RFX4: variants seen among roughly 807,000 people sequenced by gnomAD.
RFX4 encodes the protein transcription factor RFX4.
In RFX4, 10 loss-of-function variants were observed where a neutral mutation model predicts 95.0. The ratio of observed to expected loss-of-function variants is 0.11; its 90% CI spans 0.06 to 0.18. The LOEUF (loss-of-function observed/expected upper bound fraction) is 0.18, where lower values mean the gene tolerates loss of function less well. Among genes scored for constraint, RFX4 ranks in the 10% least tolerant of loss-of-function variants. The pLI is 1.00. For synonymous variants in RFX4, 321 were observed against 340.7 expected, an observed-to-expected ratio of 0.94 and a Z score of 0.64; for missense variants, 640 against 922.0, an observed-to-expected ratio of 0.69 and a Z score of 3.96.
chr12:106,750,661 G>A lies in RFX4; in HGVS notation c.1803G>A (p.Thr601=), dbSNP rs141950761. ...VYPHREEHGY[T]GSYNYGSYGN... Reference sequence around the variant, plus strand: ...TGTGCTTGATGCATTTTAGATACACGGGAAGCTATAACTATGGGAGCTATG... The same window carrying A: ...TGTGCTTGATGCATTTTAGATACACAGGAAGCTATAACTATGGGAGCTATG... The change falls in exon 17 of 18, where the codon ACG becomes ACA. Residue 601 remains threonine (T), a synonymous_variant. Transcript: ENST00000392842. The A allele has an allele frequency of 1.4e-4, 228 of 1,603,410 alleles. No individual in the cohort carries two copies. In the African/African-American group the frequency reaches 2.5e-3, roughly 18 times the overall value.
At chr12:106,739,555 G>A (rs966650189) in intron 15 of RFX4, among the ~76,000 whole-genome samples, 2 of 152,112 alleles carry the variant, frequency 1.3e-5, no homozygotes, top group South Asian at 2.1e-4. Context: ...CTGTAGCTAC[G>A]TCTAGTTCCA....
At chr12:106,597,800 T>C (rs967172341) in intron 1 of RFX4, among the ~76,000 whole-genome samples, 1 of 152,122 alleles carries the variant, frequency 6.6e-6, no homozygotes, top group African/African-American at 2.4e-5. Context: ...TTTGAGGCTG[T>C]GGTGAGCTAT....
chr12:106,583,301 G>T lies in RFX4; in HGVS notation c.-20G>T. 1 of 1,575,964 alleles carries T rather than the reference G, an allele frequency of 6.3e-7. No individual in the cohort carries two copies. On this transcript the variant is annotated 5_prime_UTR_variant, in exon 1 of 18. Transcript: ENST00000392842. ...ACATCAGGACTTTTGGGGGGCGCCTGTGCTGTCCATGGGAAGAGCATGCAT... is the reference window on the plus strand; with the variant it reads ...ACATCAGGACTTTTGGGGGGCGCCTTTGCTGTCCATGGGAAGAGCATGCAT...
At chr12:106,664,936 ATC>A (rs1212970387) in intron 4 of RFX4, among the ~76,000 whole-genome samples, 5 of 151,790 alleles carry the variant, frequency 3.3e-5, no homozygotes, top group Non-Finnish European at 5.9e-5. Flanking sequence ...CCAGAATGTG[ATC>A]TATCTTGATG....
At chr12:106,689,264 T>C (rs1316169275) in intron 6 of RFX4, 23 bp from the exon 7 acceptor site, 2 of 1,579,912 alleles carry the variant, frequency 1.3e-6, no homozygotes, top group Non-Finnish European at 1.7e-6. Context: ...TCTTTGTTGT[T>C]GATCCTCTAC....
At chr12:106,751,405 A>G (rs1360476926) in intron 17 of RFX4, among the ~76,000 whole-genome samples, 1 of 150,420 alleles carries the variant, frequency 6.6e-6, no homozygotes, top group African/African-American at 2.5e-5. Context: ...ATACGTGTGC[A>G]TGTGTCTTTA....
intron 7 of RFX4, among the ~76,000 whole-genome samples, chr12:106,694,984 C>G (rs1303678636): frequency 1.3e-5 from 2 of 152,096 alleles, no homozygotes; most frequent in Admixed American, 6.5e-5. Context: ...TTGCAGTGAG[C>G]CGAGACCACA....
chr12:106,747,992 CA>C (rs1261599352), intron 16 of RFX4, among the ~76,000 whole-genome samples: 3 of 151,566 alleles, frequency 2.0e-5, no homozygotes, highest in Admixed American at 1.3e-4. Context: ...GCTATTTTCT[CA>C]AAGAACAGGA....
At chr12:106,598,459 G>A (rs926451585) in intron 1 of RFX4, among the ~76,000 whole-genome samples, 2 of 152,034 alleles carry the variant, frequency 1.3e-5, no homozygotes, top group African/African-American at 2.4e-5. Flanking sequence ...TGAGACTTGC[G>A]ACCAACACAC....
intron 3 of RFX4, among the ~76,000 whole-genome samples, chr12:106,645,417 G>T (rs1053138535): frequency 6.6e-6 from 1 of 151,976 alleles, no homozygotes; most frequent in Non-Finnish European, 1.5e-5. Flanking sequence ...TTCTGGGTGG[G>T]GACGTTTTCC....
At chr12:106,620,474 A>G (rs2040161023) in intron 2 of RFX4, among the ~76,000 whole-genome samples, 1 of 152,170 alleles carries the variant, frequency 6.6e-6, no homozygotes, top group Non-Finnish European at 1.5e-5. Context: ...GAGAGTAGGT[A>G]CAAAGATCAC....
chr12:106,722,460 A>G (rs912264279), intron 13 of RFX4, among the ~76,000 whole-genome samples: 12 of 152,236 alleles, frequency 7.9e-5, no homozygotes, highest in African/African-American at 2.9e-4. Flanking sequence ...CAGTCAATGT[A>G]AAAAAGAAAG....
chr12:106,751,482 T>G (rs1195033059), intron 17 of RFX4, among the ~76,000 whole-genome samples: 2 of 151,666 alleles, frequency 1.3e-5, no homozygotes, highest in Non-Finnish European at 2.9e-5. Flanking sequence ...AAATGGTATC[T>G]CTAGTTCTAG....
In RFX4 at chr12:106,761,418, T is replaced by A. The variant is rs370326317; in HGVS notation, c.2157T>A (p.Phe719Leu). 1 of 1,614,004 alleles carries A rather than the reference T, an allele frequency of 6.2e-7. No homozygotes were observed. The highest frequency in any genetic ancestry group is 8.5e-7 in the Non-Finnish European group (1 of 1,180,014). The change falls in exon 18 of 18, where the codon TTT (phenylalanine) becomes TTA (leucine). Residue 719 changes from phenylalanine (F) to leucine (L), a missense_variant. Phe to Leu is a conservative substitution (Grantham distance 22, BLOSUM62 0). Around this residue, in one of 7 missense-constraint regions of RFX4, gnomAD observed 300 missense variants for 346.8 expected, o/e 0.87. Transcript: ENST00000392842. ...RNSEYEHMQH[F>L]PGFAYINGEA... ...CTGAATATGAGCACATGCAACACTT[T>A]CCTGGCTTTGCTTACATCAACGGAG... is the stretch of plus-strand genomic sequence containing the variant.
rs2043210185 is a variant in RFX4 at position 106,761,672 on chromosome 12, T to G, written c.*203T>G. ...GTTCAGAAACAGGACTTACTAAAAG[T>G]CAGTGGGACTGGGTTTCTGTAGCCA... On this transcript the variant is annotated 3_prime_UTR_variant, in exon 18 of 18. Transcript: ENST00000392842. 4.1e-6 allele frequency: 1 copy of G among 246,400 alleles called. No individual in the cohort carries two copies. The highest frequency in any genetic ancestry group is 7.1e-6 in the Non-Finnish European group (1 of 139,884). 15.3% of individuals were successfully genotyped at this position (246,400 alleles called of 1,614,324 possible).
At chr12:106,696,192 T>C (rs2041875490) in intron 7 of RFX4, 91 bp from the exon 8 acceptor site, 4 of 1,455,088 alleles carry the variant, frequency 2.7e-6, no homozygotes, top group Middle Eastern at 2.1e-4. Flanking sequence ...ATGACAGCAT[T>C]GTAGACTGGG....
intron 14 of RFX4, 83 bp downstream of exon 14, chr12:106,732,332 C>A: frequency 1.3e-6 from 2 of 1,541,556 alleles, no homozygotes; most frequent in Non-Finnish European, 1.8e-6. Flanking sequence ...TTCTTTAACT[C>A]TGTATCTCAA....
intron 3 of RFX4, among the ~76,000 whole-genome samples, chr12:106,646,474 A>G (rs1390918906): frequency 6.6e-6 from 1 of 151,092 alleles, no homozygotes; most frequent in Non-Finnish European, 1.5e-5. Context: ...GGACTTGAAT[A>G]ACCAAAAACT....
intron 1 of RFX4, among the ~76,000 whole-genome samples, chr12:106,591,000 A>T (rs1227674624): frequency 6.6e-6 from 1 of 152,112 alleles, no homozygotes; most frequent in Non-Finnish European, 1.5e-5. Flanking sequence ...AAAAAGAAAA[A>T]TTAAAAAAAG....
Sources: allele counts gnomAD v4.1 joint callset (sites outside exome capture counted in the v4.1 genomes callset), GRCh38; gene constraint gnomAD v4.1.1; regional missense constraint gnomAD v4.1.1; transcripts MANE v1.5; gene names NCBI Gene and HGNC (gene_info 2026-07-23, HGNC 2026-07-21).